The following BRINP2 variants were observed in gnomAD, a reference collection of about 807,000 sequenced individuals.
BRINP2 encodes the protein BMP/retinoic acid-inducible neural-specific protein 2.
A neutral mutation model predicts 69.2 loss-of-function variants in BRINP2; 21 were observed. The ratio of observed to expected loss-of-function variants is 0.30; its 90% CI spans 0.22 to 0.44. BRINP2 has a LOEUF of 0.44. BRINP2 is among the 20% of genes least tolerant of loss of function. The probability of loss-of-function intolerance (pLI) is 1.00; values close to 1 mark genes in which losing one functional copy is unlikely to be tolerated. For missense variants in BRINP2, 877 were observed against 986.0 expected (o/e 0.89, Z 1.48); for synonymous variants, 380 against 394.1 (o/e 0.96, Z 0.42).
intron 1 of BRINP2, among the ~76,000 whole-genome samples, chr1:177,187,663 C>T (rs187444818): frequency 6.8e-4 from 104 of 152,212 alleles, no homozygotes; most frequent in African/African-American, 2.4e-3. Flanking sequence ...TCATGTATGT[C>T]GGTATGTCGA....
intron 1 of BRINP2, among the ~76,000 whole-genome samples, chr1:177,212,831 C>A (rs778113220): frequency 3.9e-5 from 6 of 152,166 alleles, no homozygotes; most frequent in Non-Finnish European, 8.8e-5. Flanking sequence ...TATAATCATC[C>A]ATTTCTCCAA....
intron 1 of BRINP2, among the ~76,000 whole-genome samples, chr1:177,176,572 A>G (rs1206932718): frequency 1.3e-5 from 2 of 150,504 alleles, no homozygotes; most frequent in Non-Finnish European, 3.0e-5. Context: ...AGTGTTAACA[A>G]AGGCCCTGCA....
At chr1:177,247,826 C>A (rs539819883) in intron 2 of BRINP2, among the ~76,000 whole-genome samples, 83 of 152,348 alleles carry the variant, frequency 5.4e-4, no homozygotes, top group African/African-American at 2.0e-3. Context: ...GTTGGCTCTG[C>A]TGGAAGCAGC....
intron 2 of BRINP2, among the ~76,000 whole-genome samples, chr1:177,240,306 A>T (rs1650157428): frequency 6.6e-6 from 1 of 152,184 alleles, no homozygotes; most frequent in Admixed American, 6.5e-5. Context: ...AAACTTTAGC[A>T]TCATAAGCCA....
chr1:177,203,140 T>C (rs1307574468), intron 1 of BRINP2, among the ~76,000 whole-genome samples: 1 of 152,140 alleles, frequency 6.6e-6, no homozygotes, highest in East Asian at 1.9e-4. Flanking sequence ...TGGAATACTA[T>C]GCAGCCATAA....
At chr1:177,259,891 A>G (rs1012184313) in intron 4 of BRINP2, among the ~76,000 whole-genome samples, 1 of 152,166 alleles carries the variant, frequency 6.6e-6, no homozygotes, top group Non-Finnish European at 1.5e-5. Context: ...TGTACAAAGG[A>G]GATTAATATT....
At chr1:177,232,867 C>CTA (rs1250066076) in intron 2 of BRINP2, among the ~76,000 whole-genome samples, 3 of 152,048 alleles carry the variant, frequency 2.0e-5, no homozygotes, top group Non-Finnish European at 4.4e-5. Flanking sequence ...TTGTTTCACC[C>CTA]TTTAAGGAAG....
At chr1:177,206,180 C>T (rs941853207) in intron 1 of BRINP2, among the ~76,000 whole-genome samples, 1 of 152,116 alleles carries the variant, frequency 6.6e-6, no homozygotes, top group African/African-American at 2.4e-5. Flanking sequence ...AGACCTGAAT[C>T]CTCTTTCCCC....
At chr1:177,195,555 C>T (rs1195455166) in intron 1 of BRINP2, among the ~76,000 whole-genome samples, 1 of 150,986 alleles carries the variant, frequency 6.6e-6, no homozygotes, top group Non-Finnish European at 1.5e-5. Context: ...CTTACTTCAA[C>T]TGAGTTTGAA....
At chr1:177,236,569 G>A (rs1650034557) in intron 2 of BRINP2, among the ~76,000 whole-genome samples, 1 of 152,126 alleles carries the variant, frequency 6.6e-6, no homozygotes, top group African/African-American at 2.4e-5. Flanking sequence ...AGGTTGACAG[G>A]GTTCTTGATC....
At chr1:177,220,389 T>A (rs1649490729) in intron 1 of BRINP2, among the ~76,000 whole-genome samples, 1 of 152,142 alleles carries the variant, frequency 6.6e-6, no homozygotes, top group Non-Finnish European at 1.5e-5. Context: ...AAGTGAGCTC[T>A]CACTCTGAGT....
rs574122981 is a variant in BRINP2 at position 177,281,502 on chromosome 1, T to C, written c.2326T>C (p.Tyr776His). 1 of 1,608,632 alleles carries C rather than the reference T, an allele frequency of 6.2e-7. No homozygotes were observed. Residue 776 changes from tyrosine to histidine, a missense_variant, in exon 8 of 8, where the codon TAT (tyrosine) becomes CAT (histidine). Tyr to His is a moderately conservative substitution (Grantham distance 83). Around this residue, in one of 3 missense-constraint regions of BRINP2, gnomAD observed 225 missense variants for 218.7 expected, o/e 1.03. Transcript: ENST00000361539. ...FNSKLPNPVE[Y>H]ETGKLCS The stretch of plus-strand genomic sequence containing the variant: ...TTCTAAGCTGCCAAACCCTGTGGAA[T>C]ATGAGACCGGCAAACTCTGTAGCTA...
At chr1:177,230,259 T>A in intron 2 of BRINP2, 114 bp downstream of exon 2, 1 of 1,180,764 alleles carries the variant, frequency 8.5e-7, no homozygotes, top group Non-Finnish European at 1.2e-6. Flanking sequence ...CAAACTGAGC[T>A]AGAGGTGAAA....
chr1:177,255,805 G>A, intron 2 of BRINP2, 114 bp from the exon 3 acceptor site: 1 of 1,098,372 alleles, frequency 9.1e-7, no homozygotes, highest in Non-Finnish European at 1.3e-6. Flanking sequence ...GGGGATGTGG[G>A]CTGAGAGGAG....
chr1:177,269,736 A>G (rs535384998), intron 4 of BRINP2, among the ~76,000 whole-genome samples: 17 of 152,242 alleles, frequency 1.1e-4, no homozygotes, highest in Non-Finnish European at 2.4e-4. Context: ...CTGAAAGTGG[A>G]CGGTGGAGGG....
chr1:177,235,815 G>A (rs536688928), intron 2 of BRINP2, among the ~76,000 whole-genome samples: 48 of 152,236 alleles, frequency 3.2e-4, no homozygotes, highest in African/African-American at 1.1e-3. Context: ...ATTATCACGC[G>A]GCTTCAGGGC....
At chr1:177,179,304 T>C (rs1210024535) in intron 1 of BRINP2, among the ~76,000 whole-genome samples, 1 of 152,162 alleles carries the variant, frequency 6.6e-6, no homozygotes, top group Non-Finnish European at 1.5e-5. Context: ...TTGAGAAAAG[T>C]AGAAATTCTA....
chr1:177,171,898 G>A (rs1468653141), intron 1 of BRINP2, among the ~76,000 whole-genome samples, 166 bp downstream of exon 1: 1 of 152,162 alleles, frequency 6.6e-6, no homozygotes, highest in Non-Finnish European at 1.5e-5. Flanking sequence ...GTCTTGTGGA[G>A]TTGAGCAATG....
intron 2 of BRINP2, among the ~76,000 whole-genome samples, chr1:177,238,741 T>C (rs1316399610): frequency 6.6e-6 from 1 of 152,124 alleles, no homozygotes; most frequent in Non-Finnish European, 1.5e-5. Context: ...AAATAAAAAA[T>C]AGTTGGTCAA....
Sources: allele counts gnomAD v4.1 joint callset (sites outside exome capture counted in the v4.1 genomes callset), GRCh38; gene constraint gnomAD v4.1.1; regional missense constraint gnomAD v4.1.1; transcripts MANE v1.5; gene names NCBI Gene and HGNC (gene_info 2026-07-23, HGNC 2026-07-21).